The following ST7 variants were observed in gnomAD, a reference collection of about 807,000 sequenced individuals.
ST7 encodes suppressor of tumorigenicity 7 protein.
In ST7, 28 loss-of-function variants were observed where a neutral mutation model predicts 78.7. That is an observed-to-expected ratio of 0.36 (90% CI 0.26 to 0.49). The LOEUF is 0.49. ST7 is among the 20% of genes least tolerant of loss of function. ST7 has a pLI of 0.99. For synonymous variants in ST7, 247 were observed against 249.6 expected (o/e 0.99, Z 0.10); for missense variants, 418 against 696.0 (o/e 0.60, Z 4.49).
At chr7:117,038,501 T>G (rs1797015848) in intron 1 of ST7, among the ~76,000 whole-genome samples, 1 of 152,208 alleles carries the variant, frequency 6.6e-6, no homozygotes, top group African/African-American at 2.4e-5. Context: ...GGATTGATTT[T>G]GGTTCTGCCC....
intron 1 of ST7, among the ~76,000 whole-genome samples, chr7:116,970,211 A>G (rs1473983525): frequency 6.6e-6 from 1 of 152,210 alleles, no homozygotes; most frequent in Admixed American, 6.5e-5. Context: ...ATCCTGTGTT[A>G]TTGATTAGTG....
At chr7:117,137,748 A>G (rs1480116857) in intron 8 of ST7, among the ~76,000 whole-genome samples, 1 of 152,172 alleles carries the variant, frequency 6.6e-6, no homozygotes, top group Non-Finnish European at 1.5e-5. Flanking sequence ...GCATGTTCTC[A>G]TTGGTCTGAA....
intron 10 of ST7, among the ~76,000 whole-genome samples, chr7:117,171,832 A>AT (rs1321714154): frequency 6.6e-6 from 1 of 151,856 alleles, no homozygotes; most frequent in African/African-American, 2.4e-5. Context: ...TTATATAATC[A>AT]TTTTTTGCTT....
intron 1 of ST7, among the ~76,000 whole-genome samples, chr7:117,081,237 G>C (rs1223061830): frequency 6.6e-6 from 1 of 152,130 alleles, no homozygotes; most frequent in Non-Finnish European, 1.5e-5. Context: ...AATAGCTACT[G>C]TTTAGTGTGC....
At chr7:116,977,709 G>T (rs556002400) in intron 1 of ST7, among the ~76,000 whole-genome samples, 1 of 152,096 alleles carries the variant, frequency 6.6e-6, no homozygotes, top group Non-Finnish European at 1.5e-5. Context: ...GTGCCACCAC[G>T]CCCAGCTAAT....
At chr7:117,158,302 G>A (rs1241424727) in intron 9 of ST7, among the ~76,000 whole-genome samples, 2 of 152,184 alleles carry the variant, frequency 1.3e-5, no homozygotes, top group Non-Finnish European at 2.9e-5. Flanking sequence ...TTGTTGGGCT[G>A]TGCATAAATG....
chr7:117,064,337 A>G (rs1376380552), intron 1 of ST7, among the ~76,000 whole-genome samples: 1 of 152,212 alleles, frequency 6.6e-6, no homozygotes, highest in Non-Finnish European at 1.5e-5. Context: ...TGAAATATCA[A>G]GGTAATTAAA....
intron 1 of ST7, among the ~76,000 whole-genome samples, chr7:116,980,625 T>C (rs1165200362): frequency 2.0e-5 from 3 of 152,212 alleles, no homozygotes; most frequent in African/African-American, 7.2e-5. Flanking sequence ...TGGAGGCCTC[T>C]GTAGCATTCC....
intron 1 of ST7, among the ~76,000 whole-genome samples, chr7:117,090,137 ATATAAG>A (rs1217483202): frequency 4.6e-5 from 7 of 152,156 alleles, no homozygotes; most frequent in Non-Finnish European, 5.9e-5. Context: ...TATGAGGATA[ATATAAG>A]TATATCTGGG....
At chr7:117,020,389 GAGACCTTGC>G in intron 1 of ST7, 2 of 509,978 alleles carry the variant, frequency 3.9e-6, no homozygotes, top group Non-Finnish European at 6.6e-6. Context: ...GTGCTGTTAA[GAGACCTTGC>G]ATTTCAATCA....
chr7:117,138,829 T>TA (rs1414318887), intron 9 of ST7, among the ~76,000 whole-genome samples: 1 of 152,310 alleles, frequency 6.6e-6, no homozygotes, highest in Admixed American at 6.5e-5. Flanking sequence ...AAGCTTCTAA[T>TA]AGAGTGGCTG....
intron 1 of ST7, among the ~76,000 whole-genome samples, chr7:117,051,091 A>G (rs1014209438): frequency 2.0e-5 from 3 of 152,228 alleles, no homozygotes; most frequent in African/African-American, 7.2e-5. Context: ...GGTCAACTGT[A>G]CTTGTAGAAA....
chr7:117,086,400 A>G (rs1329096759), intron 1 of ST7, among the ~76,000 whole-genome samples: 1 of 152,210 alleles, frequency 6.6e-6, no homozygotes, highest in Non-Finnish European at 1.5e-5. Context: ...CACCTCAAGA[A>G]ACATTGTCTG....
At chr7:117,097,036 TAAAA>T (rs1215391233) in intron 1 of ST7, among the ~76,000 whole-genome samples, 1 of 152,114 alleles carries the variant, frequency 6.6e-6, no homozygotes, top group Non-Finnish European at 1.5e-5. Flanking sequence ...TAATCTCTTT[TAAAA>T]AAACTCAATT....
At chr7:117,080,538 T>A (rs1799692194) in intron 1 of ST7, among the ~76,000 whole-genome samples, 1 of 152,178 alleles carries the variant, frequency 6.6e-6, no homozygotes, top group Admixed American at 6.5e-5. Flanking sequence ...CTGAATATCC[T>A]TGAAGATAAA....
chr7:116,979,189 C>T (rs1793836410), intron 1 of ST7, among the ~76,000 whole-genome samples: 1 of 152,172 alleles, frequency 6.6e-6, no homozygotes, highest in Non-Finnish European at 1.5e-5. Context: ...TGGGGTCTTT[C>T]ATTGGCTGAA....
At chr7:117,173,007 C>A (rs765436811) in intron 10 of ST7, among the ~76,000 whole-genome samples, 5 of 152,196 alleles carry the variant, frequency 3.3e-5, no homozygotes, top group Non-Finnish European at 7.3e-5. Flanking sequence ...CCACAACATT[C>A]AAAAACTGAT....
intron 10 of ST7, 90 bp downstream of exon 10, chr7:117,171,066 A>G (rs1807951915): frequency 1.4e-6 from 1 of 704,944 alleles, no homozygotes; most frequent in African/African-American, 1.8e-5. Flanking sequence ...CAAATAGCAC[A>G]GCACTTTTGT....
intron 2 of ST7, among the ~76,000 whole-genome samples, chr7:117,102,018 T>A (rs1801601571): frequency 6.6e-6 from 1 of 152,190 alleles, no homozygotes; most frequent in Non-Finnish European, 1.5e-5. Context: ...AAGTTTTCCC[T>A]GTTCTTTAGA....
Sources: allele counts gnomAD v4.1 joint callset (sites outside exome capture counted in the v4.1 genomes callset), GRCh38; gene constraint gnomAD v4.1.1; transcripts MANE v1.5; gene names NCBI Gene and HGNC (gene_info 2026-07-23, HGNC 2026-07-21).